The following CAMK4 variants were observed in gnomAD, a reference collection of about 807,000 sequenced individuals.
The protein encoded by CAMK4 is calcium/calmodulin-dependent protein kinase type IV.
In CAMK4, 22 loss-of-function variants were observed where a neutral mutation model predicts 44.9. That is an observed-to-expected ratio of 0.49 (90% confidence interval 0.35 to 0.70). The LOEUF (loss-of-function observed/expected upper bound fraction) is 0.70, where lower values mean the gene tolerates loss of function less well. CAMK4 is among the 30% of genes least tolerant of loss of function. The probability of loss-of-function intolerance (pLI) is 0.01; values close to 1 mark genes in which losing one functional copy is unlikely to be tolerated. For synonymous variants in CAMK4, 218 were observed against 215.4 expected, an observed-to-expected ratio of 1.01 and a Z score of -0.11; for missense variants, 498 against 586.8, an observed-to-expected ratio of 0.85 and a Z score of 1.56.
intron 1 of CAMK4, among the ~76,000 whole-genome samples, chr5:111,285,663 T>C (rs1751211397): frequency 6.6e-6 from 1 of 152,208 alleles, no homozygotes; most frequent in Non-Finnish European, 1.5e-5. Context: ...AACTCTTTTG[T>C]GCTGTTAGAA....
chr5:111,422,163 C>T (rs1753056298), intron 5 of CAMK4, among the ~76,000 whole-genome samples: 1 of 152,162 alleles, frequency 6.6e-6, no homozygotes, highest in African/African-American at 2.4e-5. Flanking sequence ...ATACACATTC[C>T]TCTATATTCT....
intron 5 of CAMK4, among the ~76,000 whole-genome samples, chr5:111,430,192 T>C (rs1753391865): frequency 6.6e-6 from 1 of 152,176 alleles, no homozygotes; most frequent in South Asian, 2.1e-4. Context: ...TGACATGTCA[T>C]ATCAACAGAA....
At chr5:111,332,102 T>C (rs983041159) in intron 1 of CAMK4, among the ~76,000 whole-genome samples, 3 of 151,742 alleles carry the variant, frequency 2.0e-5, no homozygotes, top group African/African-American at 7.3e-5. Context: ...TATTATACTT[T>C]AAGTTTTAGG....
intron 5 of CAMK4, among the ~76,000 whole-genome samples, chr5:111,423,828 TC>T (rs1170882641): frequency 1.3e-5 from 2 of 152,268 alleles, no homozygotes; most frequent in Admixed American, 1.3e-4. Context: ...CAGACAACAC[TC>T]CCATGACTTA....
intron 1 of CAMK4, among the ~76,000 whole-genome samples, chr5:111,343,554 A>G (rs754831756): frequency 3.4e-4 from 51 of 151,918 alleles, no homozygotes; most frequent in Non-Finnish European, 5.6e-4. Context: ...GTTAAAAAGT[A>G]GGAGGGGTGT....
At chr5:111,325,256 T>C (rs1748834235) in intron 1 of CAMK4, among the ~76,000 whole-genome samples, 2 of 152,132 alleles carry the variant, frequency 1.3e-5, no homozygotes. Context: ...TTATCCAGTC[T>C]ATCATTGATG....
intron 5 of CAMK4, among the ~76,000 whole-genome samples, chr5:111,432,704 T>G (rs557358703): frequency 6.7e-6 from 1 of 149,066 alleles, no homozygotes; most frequent in African/African-American, 2.5e-5. Context: ...TTAAGAAACA[T>G]TTATTAAGCA....
chr5:111,341,224 T>C (rs1372430318), intron 1 of CAMK4, among the ~76,000 whole-genome samples: 1 of 151,316 alleles, frequency 6.6e-6, no homozygotes, highest in Non-Finnish European at 1.5e-5. Flanking sequence ...TATTTACTTG[T>C]TCTTTCATTT....
chr5:111,480,784 T>C (rs530276061), intron 9 of CAMK4, among the ~76,000 whole-genome samples: 2 of 152,234 alleles, frequency 1.3e-5, no homozygotes, highest in East Asian at 3.9e-4. Context: ...TCAACTAACT[T>C]AATAATAGTA....
chr5:111,271,471 CACCT>C (rs780700832), intron 1 of CAMK4, among the ~76,000 whole-genome samples: 4 of 152,116 alleles, frequency 2.6e-5, no homozygotes, highest in Non-Finnish European at 5.9e-5. Flanking sequence ...ATTGAATGCA[CACCT>C]ACATTTTCAC....
intron 1 of CAMK4, chr5:111,302,433 G>GA (rs1299106128): frequency 6.7e-6 from 1 of 148,408 alleles, no homozygotes; most frequent in Non-Finnish European, 1.5e-5. Context: ...CCTCACCTGG[G>GA]AAGCGCAAGG....
intron 1 of CAMK4, among the ~76,000 whole-genome samples, chr5:111,278,677 T>C (rs1353556665): frequency 6.6e-6 from 1 of 152,230 alleles, no homozygotes; most frequent in Non-Finnish European, 1.5e-5. Context: ...AGTTTTTATT[T>C]GGCAATTGAG....
intron 1 of CAMK4, among the ~76,000 whole-genome samples, 165 bp from the exon 2 acceptor site, chr5:111,343,859 T>TA (rs34578342): frequency 1.3e-4 from 19 of 151,432 alleles, no homozygotes; most frequent in African/African-American, 4.4e-4. Flanking sequence ...TCAATTGTGA[T>TA]AAAAAAAAAA....
At chr5:111,339,219 G>A (rs1470229534) in intron 1 of CAMK4, among the ~76,000 whole-genome samples, 2 of 151,180 alleles carry the variant, frequency 1.3e-5, no homozygotes, top group Non-Finnish European at 3.0e-5. Context: ...CTGTGCAGAA[G>A]CTTTCTAGTT....
intron 5 of CAMK4, among the ~76,000 whole-genome samples, chr5:111,411,710 A>G (rs1429636551): frequency 6.6e-6 from 1 of 152,226 alleles, no homozygotes; most frequent in African/African-American, 2.4e-5. Flanking sequence ...GATGATCACA[A>G]AGAAGAATCC....
chr5:111,288,758 A>G (rs1751332048), intron 1 of CAMK4, among the ~76,000 whole-genome samples: 1 of 152,194 alleles, frequency 6.6e-6, no homozygotes, highest in African/African-American at 2.4e-5. Context: ...GTGAATAGTA[A>G]GGGGAATAAA....
At chr5:111,284,769 C>T (rs1751174425) in intron 1 of CAMK4, among the ~76,000 whole-genome samples, 1 of 152,176 alleles carries the variant, frequency 6.6e-6, no homozygotes, top group African/African-American at 2.4e-5. Context: ...ATACTAGTGC[C>T]TTTCCAGTAT....
intron 7 of CAMK4, among the ~76,000 whole-genome samples, chr5:111,460,985 A>G (rs1477671081): frequency 6.6e-6 from 1 of 152,256 alleles, no homozygotes; most frequent in African/African-American, 2.4e-5. Flanking sequence ...ATTTATACAA[A>G]GAGAAAATCA....
intron 5 of CAMK4, among the ~76,000 whole-genome samples, chr5:111,399,902 A>C (rs771971553): frequency 2.6e-5 from 4 of 152,180 alleles, no homozygotes; most frequent in Non-Finnish European, 5.9e-5. Flanking sequence ...GCTGACTGGG[A>C]AACTCTCTTA....
Sources: gnomAD v4.1 joint callset for allele counts (sites outside exome capture counted in the v4.1 genomes callset) on GRCh38, gnomAD v4.1.1 for gene constraint, MANE v1.5 for transcripts, NCBI Gene and HGNC (gene_info 2026-07-23, HGNC 2026-07-21) for gene names.